The following CPS1 variants were observed in gnomAD, a reference collection of about 807,000 sequenced individuals.
CPS1 encodes the protein carbamoyl-phosphate synthase 1.
CPS1 carries 109 observed loss-of-function variants against 174.6 expected under a neutral mutation model. The observed-to-expected ratio is 0.62, with a 90% CI of 0.53 to 0.73. CPS1 has a LOEUF of 0.73. Among genes scored for constraint, CPS1 ranks in the 30% least tolerant of loss-of-function variants. The pLI is 0.00. For synonymous variants in CPS1, 637 were observed against 632.0 expected (o/e 1.01, Z -0.12); for missense variants, 1,689 against 1,821.9 (o/e 0.93, Z 1.33).
chr2:210,595,300 T>C lies in CPS1; in HGVS notation c.1264-187T>C, dbSNP rs890790603. 6.6e-5 allele frequency among the ~76,000 whole-genome samples: 10 copies of C among 151,866 alleles called. 1 individual carries two copies. The highest frequency in any genetic ancestry group is 3.3e-4 in the Admixed American group (5 of 15,208). On this transcript the variant is annotated intron_variant, in intron 12 of 37. Coordinates refer to ENST00000233072, the MANE Select transcript of CPS1 (RefSeq NM_001875.5). The stretch of plus-strand genomic sequence containing the variant: ...GAAAAACCTTAATAAACTTTGGAAG[T>C]CACATTGAAATCAGAGATGTTTTAA...
chr2:210,647,800 A>G, intron 25 of CPS1, 63 bp from the exon 26 acceptor site: 1 of 1,514,060 alleles, frequency 6.6e-7, no homozygotes. Flanking sequence ...ACACAATATT[A>G]GCATAGTTGT....
rs1298676922 is a variant in CPS1 at position 210,606,919 on chromosome 2, G to T, written c.2170G>T (p.Ala724Ser). The T allele has an allele frequency of 6.2e-7, 1 of 1,612,288 alleles. No individual in the cohort carries two copies. The highest frequency in any genetic ancestry group is 8.5e-7 in the Non-Finnish European group (1 of 1,178,934). ...GAATGCCAGACTGTCCCGAAGCTCTGCTCTGGCCTCAAAAGCCACTGGGTA... is the reference window on the plus strand; with the variant it reads ...GAATGCCAGACTGTCCCGAAGCTCTTCTCTGGCCTCAAAAGCCACTGGGTA... The part of the protein sequence containing the change: ...EVNARLSRSS[A>S]LASKATGYPL... The change falls in exon 18 of 38, where the codon GCT becomes TCT. Residue 724 changes from alanine (A) to serine (S), a missense_variant. Physicochemically the swap from Ala to Ser is moderately conservative, Grantham distance 99. Transcript: ENST00000233072.
intron 21 of CPS1, among the ~76,000 whole-genome samples, chr2:210,625,926 C>G (rs554837718): frequency 6.6e-6 from 1 of 152,068 alleles, no homozygotes; most frequent in East Asian, 1.9e-4. Flanking sequence ...AGAAGAAAAA[C>G]TAAAGTGGAT....
chr2:210,577,845 G>T (rs1574545698), intron 4 of CPS1, among the ~76,000 whole-genome samples: 1 of 152,102 alleles, frequency 6.6e-6, no homozygotes, highest in Non-Finnish European at 1.5e-5. Flanking sequence ...TATCTAGAAT[G>T]TAGTAATGGA....
intron 7 of CPS1, among the ~76,000 whole-genome samples, chr2:210,589,850 C>T (rs767411546): frequency 4.0e-5 from 6 of 151,636 alleles, no homozygotes; most frequent in Admixed American, 6.6e-5. Flanking sequence ...GGGTTTTGCC[C>T]TGTTTCCCAG....
intron 33 of CPS1, among the ~76,000 whole-genome samples, chr2:210,665,546 A>G (rs991681844): frequency 1.4e-5 from 2 of 145,892 alleles, no homozygotes; most frequent in African/African-American, 2.5e-5. Context: ...CCATTGTTCA[A>G]TTCCCACCTA....
chr2:210,489,256 C>T (rs1694804863), intron 1 of CPS1, among the ~76,000 whole-genome samples: 1 of 152,162 alleles, frequency 6.6e-6, no homozygotes, highest in African/African-American at 2.4e-5. Flanking sequence ...TCTCCTATCT[C>T]CTAATGGATA....
chr2:210,666,963 G>C (rs1383140856), intron 33 of CPS1, among the ~76,000 whole-genome samples: 4 of 152,172 alleles, frequency 2.6e-5, no homozygotes, highest in African/African-American at 9.7e-5. Context: ...CCATGAGCAT[G>C]GAATGTTCTT....
intron 25 of CPS1, among the ~76,000 whole-genome samples, chr2:210,645,064 T>C (rs1700337383): frequency 6.6e-6 from 1 of 152,224 alleles, no homozygotes; most frequent in South Asian, 2.1e-4. Flanking sequence ...CAGGTTCTCA[T>C]CCCTTTGTTC....
At chr2:210,544,303 G>A (rs1696507975) in intron 1 of CPS1, among the ~76,000 whole-genome samples, 1 of 152,068 alleles carries the variant, frequency 6.6e-6, no homozygotes, top group South Asian at 2.1e-4. Flanking sequence ...TCTGCACACA[G>A]CTCATTTGAT....
At chr2:210,654,747 T>C (rs1469586683) in intron 29 of CPS1, among the ~76,000 whole-genome samples, 1 of 152,218 alleles carries the variant, frequency 6.6e-6, no homozygotes, top group Non-Finnish European at 1.5e-5. Context: ...CCATTTTACT[T>C]GCTTTAAGGA....
intron 1 of CPS1, among the ~76,000 whole-genome samples, chr2:210,510,165 G>T (rs1230836202): frequency 1.3e-5 from 2 of 152,134 alleles, no homozygotes; most frequent in Non-Finnish European, 2.9e-5. Context: ...CATGGTACTG[G>T]TACCAAAACA....
chr2:210,610,747 C>T (rs1039160279), intron 19 of CPS1, among the ~76,000 whole-genome samples: 1 of 151,694 alleles, frequency 6.6e-6, no homozygotes, highest in Non-Finnish European at 1.5e-5. Context: ...GAGTGAGAAC[C>T]TGTTTCAAAA....
At position 210,599,513 on chromosome 2, in the gene CPS1, C is replaced by G. The variant is rs768854659; in HGVS notation, c.1501C>G (p.Pro501Ala). Residue 501 changes from proline to alanine, a missense_variant, in exon 14 of 38, where the codon CCA (proline) becomes GCA (alanine). By Grantham distance (27) the Pro-to-Ala change is conservative (BLOSUM62 -1). Transcript: ENST00000233072. ...FVTEVIKAEQ[P>A]DGLILGMGGQ... ...CACAGAGGTCATCAAGGCAGAACAG[C>G]CAGATGGGTTAATTCTGGGCATGGG... 1.2e-6 allele frequency: 2 copies of G among 1,612,406 alleles called. No homozygotes were observed. The highest frequency in any genetic ancestry group is 2.7e-5 in the African/African-American group (2 of 74,806).
intron 6 of CPS1, among the ~76,000 whole-genome samples, chr2:210,583,024 A>G (rs1246401163): frequency 5.9e-5 from 9 of 152,100 alleles, no homozygotes; most frequent in Non-Finnish European, 1.2e-4. Flanking sequence ...TGAATTGCCA[A>G]AGATAGGTCC....
chr2:210,560,934 A>G lies in CPS1; in HGVS notation c.126+4075A>G, dbSNP rs567531589. Reference sequence around the variant, plus strand: ...GGACGGATTTCATCTATGGCAAACTACATTTTTGAAATATTAATTGTGTTC... The same window carrying G: ...GGACGGATTTCATCTATGGCAAACTGCATTTTTGAAATATTAATTGTGTTC... On this transcript the variant is annotated intron_variant, in intron 1 of 37. Transcript: ENST00000233072. Among the ~76,000 whole-genome samples the G allele has an allele frequency of 5.9e-4, 90 of 152,288 alleles. 3 individuals carry two copies. The South Asian group carries it at 0.019, about 32-fold the overall frequency.
intron 21 of CPS1, among the ~76,000 whole-genome samples, chr2:210,631,776 T>C (rs1574618687): frequency 6.6e-6 from 1 of 152,214 alleles, no homozygotes; most frequent in African/African-American, 2.4e-5. Flanking sequence ...AATAGTTGTA[T>C]ATATAATAGC....
intron 25 of CPS1, among the ~76,000 whole-genome samples, chr2:210,644,914 T>C (rs1446858626): frequency 2.0e-5 from 3 of 150,742 alleles, no homozygotes; most frequent in Non-Finnish European, 4.4e-5. Flanking sequence ...TTTGGGAGCT[T>C]AATGGAATTT....
At chr2:210,586,026 G>A (rs529542425) in intron 6 of CPS1, among the ~76,000 whole-genome samples, 1 of 151,814 alleles carries the variant, frequency 6.6e-6, no homozygotes, top group Non-Finnish European at 1.5e-5. Context: ...CAGCGTGAGA[G>A]TTTTTAAAGG....
Sources: allele counts gnomAD v4.1 joint callset (sites outside exome capture counted in the v4.1 genomes callset), GRCh38; gene constraint gnomAD v4.1.1; transcripts MANE v1.5; gene names NCBI Gene and HGNC (gene_info 2026-07-23, HGNC 2026-07-21).